Variants in STARD3NL observed in about 807,000 individuals in gnomAD.
STARD3NL encodes the protein STARD3 N-terminal like, also known as STARD3 N-terminal-like protein.
In STARD3NL, 17 loss-of-function variants were observed where a neutral mutation model predicts 30.9. The observed-to-expected ratio is 0.55, with a 90% confidence interval of 0.38 to 0.82. The LOEUF is 0.82. Among genes scored for constraint, STARD3NL ranks in the 40% least tolerant of loss-of-function variants. STARD3NL has a pLI of 0.00. For missense variants in STARD3NL, 234 were observed against 277.6 expected, an observed-to-expected ratio of 0.84 and a Z score of 1.12; for synonymous variants, 112 against 100.5, an observed-to-expected ratio of 1.11 and a Z score of -0.69.
intron 2 of STARD3NL, among the ~76,000 whole-genome samples, chr7:38,211,637 T>C (rs1157200218): frequency 6.6e-6 from 1 of 152,178 alleles, no homozygotes; most frequent in African/African-American, 2.4e-5. Context: ...CTGTTACAGA[T>C]TCTGGAGCAG....
chr7:38,188,487 TTCC>T (rs1784552409), intron 1 of STARD3NL, among the ~76,000 whole-genome samples: 1 of 152,200 alleles, frequency 6.6e-6, no homozygotes, highest in African/African-American at 2.4e-5. Context: ...TTCCATCCCC[TTCC>T]TGTAGAAGGT....
chr7:38,226,485 G>A (rs557560351), intron 7 of STARD3NL, among the ~76,000 whole-genome samples: 51 of 152,256 alleles, frequency 3.3e-4, no homozygotes, highest in African/African-American at 1.2e-3. Flanking sequence ...CTGGATCAAG[G>A]CTTCCATCCT....
chr7:38,184,635 A>G (rs1473946743), intron 1 of STARD3NL, among the ~76,000 whole-genome samples: 1 of 146,480 alleles, frequency 6.8e-6, no homozygotes, highest in South Asian at 2.1e-4. Flanking sequence ...GATATATACT[A>G]TATATAGTAT....
At chr7:38,206,812 C>T (rs1192202770) in intron 1 of STARD3NL, among the ~76,000 whole-genome samples, 1 of 152,050 alleles carries the variant, frequency 6.6e-6, no homozygotes, top group Admixed American at 6.5e-5. Flanking sequence ...GCTCTGTTAC[C>T]CAGGCTGGAG....
rs1166003394 is a variant in STARD3NL at position 38,230,621 on chromosome 7, TC to T, written c.*717del. ...CACAAAATGACTTAAACCATTCATA[TC>T]ATGTTTCCTTTGCGTTCAGCCAATT... On this transcript the variant is annotated 3_prime_UTR_variant, in exon 9 of 9. Transcript: ENST00000009041. The T allele has an allele frequency of 3.9e-5, 6 of 152,258 alleles. No individual in the cohort carries two copies. Among genetic ancestry groups the T allele is most frequent in the African/African-American group, 1.4e-4 (6 of 41,464 alleles). The allele number at this position is 152,258 out of a possible 1,614,324, so 9.4% of individuals were successfully genotyped here. A position where few individuals can be genotyped will look rare whatever the true frequency, so the allele number is the denominator to read the frequency against.
rs534691524 is a variant in STARD3NL, at chr7:38,208,435, A to C, written c.225+706A>C. On this transcript the variant is annotated intron_variant, in intron 2 of 8. Coordinates refer to ENST00000009041, the MANE Select transcript of STARD3NL (RefSeq NM_032016.4). ...AATAGAAATATAATGCAAACTATTA[A>C]ATATGTAATTTAAAATTCTCTAGTT... is the stretch of plus-strand genomic sequence containing the variant. Among the ~76,000 whole-genome samples, 163 of 152,364 alleles carry C rather than the reference A, an allele frequency of 1.1e-3. 2 individuals carry two copies. The South Asian group carries it at 0.033, about 31-fold the overall frequency.
intron 2 of STARD3NL, among the ~76,000 whole-genome samples, chr7:38,208,132 C>T (rs956739615): frequency 3.3e-5 from 5 of 152,154 alleles, no homozygotes; most frequent in African/African-American, 7.2e-5. Flanking sequence ...GACAGAGACC[C>T]TCTGACCCAC....
intron 1 of STARD3NL, among the ~76,000 whole-genome samples, chr7:38,186,026 G>C (rs546492009): frequency 6.6e-6 from 1 of 152,306 alleles, no homozygotes; most frequent in East Asian, 1.9e-4. Context: ...GTGATGCAGA[G>C]ATGTCCTCAT....
At chr7:38,200,412 A>T (rs1043552789) in intron 1 of STARD3NL, among the ~76,000 whole-genome samples, 3 of 151,684 alleles carry the variant, frequency 2.0e-5, no homozygotes, top group African/African-American at 7.3e-5. Flanking sequence ...TTCTCATTTA[A>T]CCTATATATT....
chr7:38,213,522 T>G (rs1344040528), intron 2 of STARD3NL, among the ~76,000 whole-genome samples: 1 of 152,248 alleles, frequency 6.6e-6, no homozygotes, highest in Non-Finnish European at 1.5e-5. Context: ...TATCCAGGTC[T>G]CTGGTTAACT....
intron 1 of STARD3NL, among the ~76,000 whole-genome samples, chr7:38,187,447 T>C (rs535758666): frequency 6.6e-6 from 1 of 152,316 alleles, no homozygotes; most frequent in African/African-American, 2.4e-5. Flanking sequence ...CCCTATTGAC[T>C]AGATGTAGGT....
intron 7 of STARD3NL, 97 bp downstream of exon 7, chr7:38,219,757 C>T: frequency 1.1e-6 from 1 of 919,202 alleles, no homozygotes; most frequent in Non-Finnish European, 1.7e-6. Context: ...ATATACTTAG[C>T]TAACATCTAA....
chr7:38,221,077 G>A (rs1391473855), intron 7 of STARD3NL, among the ~76,000 whole-genome samples: 1 of 152,236 alleles, frequency 6.6e-6, no homozygotes, highest in Non-Finnish European at 1.5e-5. Flanking sequence ...TCACTTAGAT[G>A]AGATACCTAG....
At chr7:38,178,853 A>G (rs563866322) in intron 1 of STARD3NL, among the ~76,000 whole-genome samples, 1 of 119,128 alleles carries the variant, frequency 8.4e-6, no homozygotes, top group African/African-American at 3.4e-5. Flanking sequence ...TTCATTGAGA[A>G]AAGTCGTGTT....
intron 1 of STARD3NL, among the ~76,000 whole-genome samples, chr7:38,179,645 C>T (rs1784167483): frequency 6.6e-6 from 1 of 152,186 alleles, no homozygotes; most frequent in Admixed American, 6.5e-5. Flanking sequence ...GGCCCATACC[C>T]TCAAAGACTT....
intron 1 of STARD3NL, among the ~76,000 whole-genome samples, chr7:38,206,717 T>C (rs1201700221): frequency 2.0e-5 from 3 of 152,180 alleles, no homozygotes; most frequent in Non-Finnish European, 4.4e-5. Flanking sequence ...CTTTAGTTTA[T>C]AAGGTACTTT....
intron 1 of STARD3NL, among the ~76,000 whole-genome samples, chr7:38,203,097 G>C (rs909557588): frequency 6.6e-6 from 1 of 152,164 alleles, no homozygotes; most frequent in Non-Finnish European, 1.5e-5. Context: ...AATCTAGCAA[G>C]TCAGGCCAAC....
At chr7:38,192,247 A>G (rs1304051058) in intron 1 of STARD3NL, among the ~76,000 whole-genome samples, 2 of 152,166 alleles carry the variant, frequency 1.3e-5, no homozygotes, top group Non-Finnish European at 2.9e-5. Flanking sequence ...TATATGAATC[A>G]CAAAATCATA....
intron 1 of STARD3NL, among the ~76,000 whole-genome samples, chr7:38,194,577 C>G (rs1221986982): frequency 6.6e-6 from 1 of 151,750 alleles, no homozygotes; most frequent in Non-Finnish European, 1.5e-5. Context: ...GATAGTAAGC[C>G]CAAGTTTACA....
Sources: gnomAD v4.1 joint callset for allele counts (sites outside exome capture counted in the v4.1 genomes callset) on GRCh38, gnomAD v4.1.1 for gene constraint, MANE v1.5 for transcripts, NCBI Gene and HGNC (gene_info 2026-07-23, HGNC 2026-07-21) for gene names.